Variants in TMEM132C observed in about 807,000 individuals in gnomAD.
The protein encoded by TMEM132C is protein phosphatase 1, regulatory subunit 152.
In TMEM132C, 29 loss-of-function variants were observed where a neutral mutation model predicts 61.4. That is an observed-to-expected ratio of 0.47 (90% CI 0.35 to 0.64). The LOEUF (loss-of-function observed/expected upper bound fraction) is 0.64. Ranked by LOEUF, TMEM132C falls within the 30% of genes least tolerant of loss-of-function variation. The probability of loss-of-function intolerance (pLI) is 0.00; values close to 1 mark genes in which losing one functional copy is unlikely to be tolerated. For missense variants in TMEM132C, 1,408 were observed against 1,476.9 expected (o/e 0.95, Z 0.76); for synonymous variants, 656 against 633.1 (o/e 1.04, Z -0.54).
At chr12:128,432,989 C>T (rs1438972322) in intron 2 of TMEM132C, among the ~76,000 whole-genome samples, 1 of 139,510 alleles carries the variant, frequency 7.2e-6, no homozygotes, top group Non-Finnish European at 1.5e-5. Flanking sequence ...AGGCAAGACC[C>T]TCCACCAGCC....
At chr12:128,590,225 G>A (rs898269980) in intron 3 of TMEM132C, among the ~76,000 whole-genome samples, 2 of 152,198 alleles carry the variant, frequency 1.3e-5, no homozygotes, top group Non-Finnish European at 2.9e-5. Flanking sequence ...TCTGGGACAA[G>A]GAGGCCTGCT....
At chr12:128,433,750 T>A (rs2136040647) in intron 2 of TMEM132C, among the ~76,000 whole-genome samples, 1 of 149,496 alleles carries the variant, frequency 6.7e-6, no homozygotes, top group South Asian at 2.2e-4. Flanking sequence ...TTTTTCTCTG[T>A]CTTTGGATAA....
intron 8 of TMEM132C, among the ~76,000 whole-genome samples, chr12:128,698,597 G>A (rs561329269): frequency 6.6e-6 from 1 of 152,338 alleles, no homozygotes; most frequent in Admixed American, 6.5e-5. Flanking sequence ...AAAAACAGTG[G>A]CTGGCACATG....
At chr12:128,423,583 AG>A (rs1428638139) in intron 2 of TMEM132C, among the ~76,000 whole-genome samples, 2 of 152,220 alleles carry the variant, frequency 1.3e-5, no homozygotes, top group African/African-American at 4.8e-5. Context: ...AAGGAAATTC[AG>A]GTAGAGTTGA....
At chr12:128,663,719 G>T (rs911904923) in intron 4 of TMEM132C, among the ~76,000 whole-genome samples, 1 of 148,502 alleles carries the variant, frequency 6.7e-6, no homozygotes, top group African/African-American at 2.6e-5. Context: ...GTGTGTATGT[G>T]TGTGTGCTTG....
chr12:128,530,507 A>G (rs1296346084), intron 2 of TMEM132C, among the ~76,000 whole-genome samples: 5 of 151,884 alleles, frequency 3.3e-5, no homozygotes, highest in African/African-American at 4.8e-5. Flanking sequence ...GCAGTGGCAC[A>G]ATCTCGGCTC....
intron 3 of TMEM132C, among the ~76,000 whole-genome samples, chr12:128,572,911 C>T (rs922128339): frequency 1.3e-5 from 2 of 152,258 alleles, no homozygotes; most frequent in Non-Finnish European, 2.9e-5. Context: ...GATACCATCT[C>T]ACACCAGTTA....
intron 2 of TMEM132C, chr12:128,438,934 C>G (rs1869688216): frequency 6.6e-6 from 1 of 152,132 alleles, no homozygotes; most frequent in African/African-American, 2.4e-5. Context: ...TTTTTTCCCC[C>G]CAGTTCTCCT....
chr12:128,387,157 A>AG (rs1263051832), intron 1 of TMEM132C, among the ~76,000 whole-genome samples: 3 of 151,696 alleles, frequency 2.0e-5, no homozygotes, highest in African/African-American at 4.8e-5. Flanking sequence ...AAAAAAAAAA[A>AG]AAAAGAAACT....
chr12:128,573,306 C>G (rs1874964320), intron 3 of TMEM132C, among the ~76,000 whole-genome samples: 1 of 152,042 alleles, frequency 6.6e-6, no homozygotes, highest in Non-Finnish European at 1.5e-5. Context: ...TTTGTAGGGA[C>G]ATGGATGAAG....
At chr12:128,607,804 C>T (rs905578321) in intron 3 of TMEM132C, among the ~76,000 whole-genome samples, 20 of 152,148 alleles carry the variant, frequency 1.3e-4, no homozygotes, top group Non-Finnish European at 2.9e-4. Context: ...ATGCATAGCA[C>T]CCCTGGAAGG....
At chr12:128,365,074 G>A (rs1873821091) in intron 1 of TMEM132C, among the ~76,000 whole-genome samples, 1 of 152,154 alleles carries the variant, frequency 6.6e-6, no homozygotes, top group South Asian at 2.1e-4. Context: ...GGAGAACTGG[G>A]GCATCCTGAG....
At chr12:128,517,245 T>C (rs1872749534) in intron 2 of TMEM132C, among the ~76,000 whole-genome samples, 1 of 147,802 alleles carries the variant, frequency 6.8e-6, no homozygotes, top group African/African-American at 2.5e-5. Context: ...AATAAATAAA[T>C]AAATAAATAA....
chr12:128,279,315 C>T (rs568814413), intron 1 of TMEM132C, among the ~76,000 whole-genome samples: 28 of 152,256 alleles, frequency 1.8e-4, no homozygotes, highest in South Asian at 4.2e-4. Context: ...TGCTAATCCT[C>T]TAGAGACAGT....
intron 2 of TMEM132C, among the ~76,000 whole-genome samples, chr12:128,507,576 G>A (rs962076346): frequency 7.9e-5 from 12 of 151,978 alleles, no homozygotes; most frequent in South Asian, 2.1e-4. Flanking sequence ...AAAAATCTCC[G>A]TGAGTCCCAA....
At chr12:128,624,747 G>C (rs1012304666) in intron 4 of TMEM132C, among the ~76,000 whole-genome samples, 1 of 151,892 alleles carries the variant, frequency 6.6e-6, no homozygotes, top group Non-Finnish European at 1.5e-5. Context: ...ATTATTTGTG[G>C]GTATTCAAAC....
chr12:128,510,762 G>T (rs1365956821), intron 2 of TMEM132C, among the ~76,000 whole-genome samples: 1 of 152,216 alleles, frequency 6.6e-6, no homozygotes, highest in Non-Finnish European at 1.5e-5. Context: ...AAGGCCCTTG[G>T]CAGGCTCTGG....
At chr12:128,689,366 G>A (rs942426378) in intron 5 of TMEM132C, among the ~76,000 whole-genome samples, 5 of 151,904 alleles carry the variant, frequency 3.3e-5, no homozygotes, top group Non-Finnish European at 2.9e-5. Context: ...TTATCATATC[G>A]TGCAATAAAA....
chr12:128,393,195 C>A (rs1458793820), intron 1 of TMEM132C, among the ~76,000 whole-genome samples: 1 of 152,216 alleles, frequency 6.6e-6, no homozygotes, highest in Non-Finnish European at 1.5e-5. Flanking sequence ...ACTGAACAAT[C>A]TTCCTCTTTT....
Sources: gnomAD v4.1 joint callset for allele counts (sites outside exome capture counted in the v4.1 genomes callset) on GRCh38, gnomAD v4.1.1 for gene constraint, MANE v1.5 for transcripts, NCBI Gene and HGNC (gene_info 2026-07-23, HGNC 2026-07-21) for gene names.